Variants in ANKRD12 observed in about 807,000 individuals in gnomAD.
ANKRD12 encodes ankyrin repeat domain 12.
ANKRD12 carries 85 observed loss-of-function variants against 183.4 expected under a neutral mutation model. That is an observed-to-expected ratio of 0.46 (90% CI 0.39 to 0.56). The LOEUF (loss-of-function observed/expected upper bound fraction) is 0.56. Among genes scored for constraint, ANKRD12 ranks in the 20% least tolerant of loss-of-function variants. The probability of loss-of-function intolerance (pLI) is 0.00; values close to 1 mark genes in which losing one functional copy is unlikely to be tolerated. For missense variants in ANKRD12, 2,405 were observed against 2,357.1 expected, an observed-to-expected ratio of 1.02 and a Z score of -0.42; for synonymous variants, 914 against 800.2, an observed-to-expected ratio of 1.14 and a Z score of -2.40.
intron 10 of ANKRD12, among the ~76,000 whole-genome samples, chr18:9,268,627 T>C (rs886558173): frequency 4.6e-5 from 7 of 152,224 alleles, no homozygotes; most frequent in East Asian, 1.9e-4. Flanking sequence ...TATCTCAAAA[T>C]AATAAGAGCT....
intron 3 of ANKRD12, among the ~76,000 whole-genome samples, chr18:9,198,489 G>C (rs1399642523): frequency 6.6e-6 from 1 of 152,106 alleles, no homozygotes; most frequent in Non-Finnish European, 1.5e-5. Context: ...ATAGGACAGT[G>C]TATATAAAAA....
intron 3 of ANKRD12, 65 bp from the exon 4 acceptor site, chr18:9,204,411 T>G: frequency 8.6e-7 from 1 of 1,162,984 alleles, no homozygotes; most frequent in Non-Finnish European, 1.3e-6. Flanking sequence ...AAATGTTGGT[T>G]TGTTGAATTC....
intron 8 of ANKRD12, among the ~76,000 whole-genome samples, chr18:9,230,685 G>C (rs1440526984): frequency 6.6e-6 from 1 of 150,590 alleles, no homozygotes; most frequent in Non-Finnish European, 1.5e-5. Flanking sequence ...TTGAGACAGA[G>C]TCTAGCTCTG....
chr18:9,247,168 G>A (rs1361770889), intron 8 of ANKRD12, among the ~76,000 whole-genome samples: 1 of 149,736 alleles, frequency 6.7e-6, no homozygotes. Context: ...TTGTTTGTTT[G>A]TTTTGCCATA....
At chr18:9,142,416 AACTC>A (rs1471615746) in intron 1 of ANKRD12, among the ~76,000 whole-genome samples, 1 of 152,146 alleles carries the variant, frequency 6.6e-6, no homozygotes, top group Admixed American at 6.5e-5. Flanking sequence ...ATTCCTTTGA[AACTC>A]ACTTATGAAA....
At chr18:9,263,927 C>T (rs2039129342) in intron 10 of ANKRD12, 39 bp downstream of exon 10, 3 of 1,305,558 alleles carry the variant, frequency 2.3e-6, no homozygotes, top group East Asian at 2.6e-5. Flanking sequence ...CTAAAAATAA[C>T]TGGTTTCTAG....
At chr18:9,245,818 T>G (rs554320778) in intron 8 of ANKRD12, among the ~76,000 whole-genome samples, 3 of 152,300 alleles carry the variant, frequency 2.0e-5, no homozygotes, top group Admixed American at 2.0e-4. Context: ...AAGATAGAAG[T>G]AGAAGATATT....
chr18:9,254,450 A>G lies in ANKRD12; in HGVS notation c.1183A>G (p.Lys395Glu). Residue 395 changes from lysine to glutamate, a missense_variant, in exon 9 of 13, where the codon AAA becomes GAA. Lys to Glu is a moderately conservative substitution (Grantham distance 56, BLOSUM62 1). Around this residue, in one of 7 missense-constraint regions of ANKRD12, gnomAD observed 1,983 missense variants for 1,725.9 expected, o/e 1.15. Coordinates refer to ENST00000262126, the MANE Select transcript of ANKRD12 (RefSeq NM_015208.5). Reference sequence around the variant, plus strand: ...AAAAGAAAATGAACCTGAAGCAGAAAAAACTCATTTATTTGCAAAACAGGA... The same window carrying G: ...AAAAGAAAATGAACCTGAAGCAGAAGAAACTCATTTATTTGCAAAACAGGA... ...QRKENEPEAE[K>E]THLFAKQEKA... The G allele has an allele frequency of 6.4e-7, 1 of 1,571,778 alleles. No homozygotes were observed. The highest frequency in any genetic ancestry group is 8.6e-7 in the Non-Finnish European group (1 of 1,165,000).
chr18:9,223,824 T>G (rs949433860), intron 8 of ANKRD12, among the ~76,000 whole-genome samples: 1 of 152,226 alleles, frequency 6.6e-6, no homozygotes, highest in African/African-American at 2.4e-5. Flanking sequence ...GTCTCAGTTG[T>G]AGACATTGTA....
intron 11 of ANKRD12, 70 bp from the exon 12 acceptor site, chr18:9,279,476 TAAA>T: frequency 2.2e-6 from 2 of 903,166 alleles, no homozygotes; most frequent in Non-Finnish European, 3.5e-6. Flanking sequence ...GCATATACCA[TAAA>T]AATACTATAA....
In ANKRD12 at chr18:9,163,323, C is replaced by T. The variant is rs1166810651; in HGVS notation, c.-51-19059C>T. ...GAATCCTTTCTTCATTGCTTGTTTT[C>T]GTCAGGTTTGTCAAAGGTCAGATGA... On this transcript the variant is annotated intron_variant, in intron 1 of 12. Coordinates refer to ENST00000262126, the MANE Select transcript of ANKRD12 (RefSeq NM_015208.5). Among the ~76,000 whole-genome samples the T allele has an allele frequency of 5.3e-5, 8 of 152,036 alleles. No individual in the cohort carries two copies. The East Asian group carries it at 7.7e-4, about 15-fold the overall frequency.
chr18:9,200,761 C>T (rs1053615067), intron 3 of ANKRD12: 14 of 152,080 alleles, frequency 9.2e-5, no homozygotes, highest in Admixed American at 5.9e-4. Flanking sequence ...TTAAACATAA[C>T]CAAAAACTAA....
intron 1 of ANKRD12, among the ~76,000 whole-genome samples, chr18:9,167,333 T>C (rs2032186126): frequency 6.6e-6 from 1 of 152,242 alleles, no homozygotes; most frequent in Admixed American, 6.5e-5. Flanking sequence ...ATGATATTGA[T>C]TCTTCCTACC....
Position 9,254,949 on chromosome 18 carries a change from A to C in ANKRD12, c.1682A>C (p.Glu561Ala), listed in dbSNP as rs1221628807. ...AAACAGTCAACACCACTAAAACAAGAACATACTAAAACATGTTTATCACCA... is the reference window on the plus strand; with the variant it reads ...AAACAGTCAACACCACTAAAACAAGCACATACTAAAACATGTTTATCACCA... ...SEKQSTPLKQ[E>A]HTKTCLSPGS... Residue 561 changes from glutamate to alanine, a missense_variant, in exon 9 of 13, where the codon GAA becomes GCA. Physicochemically the swap from Glu to Ala is moderately radical, Grantham distance 107 (BLOSUM62 -1). Around this residue, in one of 7 missense-constraint regions of ANKRD12, gnomAD observed 1,983 missense variants for 1,725.9 expected, o/e 1.15. Coordinates refer to ENST00000262126, the MANE Select transcript of ANKRD12 (RefSeq NM_015208.5). 9 of 1,603,652 alleles carry C rather than the reference A, an allele frequency of 5.6e-6. No individual in the cohort carries two copies. The highest frequency in any genetic ancestry group is 7.6e-6 in the Non-Finnish European group (9 of 1,176,512).
At position 9,285,126 on chromosome 18, in the gene ANKRD12, G is replaced by C. The variant is rs1449602939; in HGVS notation, c.*4000G>C. 1 of 151,860 alleles carries C rather than the reference G, an allele frequency of 6.6e-6. No homozygotes were observed. The highest frequency in any genetic ancestry group is 1.5e-5 in the Non-Finnish European group (1 of 68,040). The allele number at this position is 151,860 out of a possible 1,614,324, so 9.4% of individuals were successfully genotyped here. A position where few individuals can be genotyped will look rare whatever the true frequency, so the allele number is the denominator to read the frequency against. On this transcript the variant is annotated 3_prime_UTR_variant, in exon 13 of 13. Coordinates refer to ENST00000262126, the MANE Select transcript of ANKRD12 (RefSeq NM_015208.5). ...CGGGAGGCTGAGGCAGGAGAATGGC[G>C]TGAGCCTGGGAGGCGGAGCTTGCAG...
In ANKRD12 at chr18:9,157,486, A is replaced by G. The variant is rs548505329; in HGVS notation, c.-52+20521A>G. On this transcript the variant is annotated intron_variant, in intron 1 of 12. Transcript: ENST00000262126. ...AAGTCCAAATATTGTAAGTCGAACC[A>G]TTGTAAGCTGAGGACCATCTGTATT... Among the ~76,000 whole-genome samples the G allele has an allele frequency of 1.8e-4, 28 of 151,408 alleles. No individual in the cohort carries two copies. The East Asian group carries it at 5.0e-3, about 27-fold the overall frequency.
At chr18:9,271,654 A>G (rs1213363206) in intron 10 of ANKRD12, among the ~76,000 whole-genome samples, 2 of 152,218 alleles carry the variant, frequency 1.3e-5, no homozygotes, top group African/African-American at 2.4e-5. Context: ...CATTGTGGCC[A>G]GCCAGGAATT....
intron 5 of ANKRD12, among the ~76,000 whole-genome samples, chr18:9,211,035 A>T (rs577015078): frequency 5.9e-5 from 9 of 152,166 alleles, no homozygotes; most frequent in African/African-American, 1.4e-4. Flanking sequence ...AACTAGAACA[A>T]ATATCAAAAT....
At chr18:9,180,828 A>G (rs2033647903) in intron 1 of ANKRD12, among the ~76,000 whole-genome samples, 1 of 152,204 alleles carries the variant, frequency 6.6e-6, no homozygotes, top group Non-Finnish European at 1.5e-5. Flanking sequence ...AATTTTCTCA[A>G]AAAATATTTG....
Sources: gnomAD v4.1 joint callset for allele counts (sites outside exome capture counted in the v4.1 genomes callset) on GRCh38, gnomAD v4.1.1 for gene constraint, gnomAD v4.1.1 regional missense constraint, MANE v1.5 for transcripts, NCBI Gene and HGNC (gene_info 2026-07-23, HGNC 2026-07-21) for gene names.